Variants in OR10Z1 observed in about 807,000 individuals in gnomAD.
OR10Z1 encodes the protein olfactory receptor family 10 subfamily Z member 1.
For missense variants in OR10Z1, 468 were observed against 371.0 expected, an observed-to-expected ratio of 1.26 and a Z score of -2.15; for synonymous variants, 187 against 151.2, an observed-to-expected ratio of 1.24 and a Z score of -1.74.
rs1334224230 is a variant in OR10Z1, at chr1:158,607,071, C to G, written c.633C>G (p.Phe211Leu). 7 of 1,613,956 alleles carry G rather than the reference C, an allele frequency of 4.3e-6. No homozygotes were observed. In the South Asian group the frequency reaches 6.6e-5, roughly 15 times the overall value. ...ILSLLVLLVSFFFITISYAYI... is the reference protein window; with the variant it reads ...ILSLLVLLVSLFFITISYAYI... ...GTCTTTTGGTCCTCTTGGTCTCCTTCTTCTTCATCACCATCTCCTACGCCT... is the reference window on the plus strand; with the variant it reads ...GTCTTTTGGTCCTCTTGGTCTCCTTGTTCTTCATCACCATCTCCTACGCCT... The change falls in exon 2 of 2, where the codon TTC becomes TTG. Residue 211 changes from phenylalanine (F) to leucine (L), a missense_variant. Coordinates refer to ENST00000641002, the MANE Select transcript of OR10Z1 (RefSeq NM_001004478.2).
rs1318114832 is a variant in OR10Z1, at chr1:158,606,396, G to A, written c.-43G>A. ...AAAGAAGTTAGGCATCTACTGGCAAGGTGGAAGAAATCAACAAATCTATCA... is the reference window on the plus strand; with the variant it reads ...AAAGAAGTTAGGCATCTACTGGCAAAGTGGAAGAAATCAACAAATCTATCA... On this transcript the variant is annotated 5_prime_UTR_variant, in exon 2 of 2. Transcript: ENST00000641002. 3.1e-6 allele frequency: 4 copies of A among 1,281,302 alleles called. No individual in the cohort carries two copies. Among genetic ancestry groups the A allele is most frequent in the Non-Finnish European group, 4.4e-6 (4 of 903,770 alleles). 79.4% of individuals were successfully genotyped at this position (1,281,302 alleles called of 1,614,324 possible).
At position 158,607,168 on chromosome 1, in the gene OR10Z1, C is replaced by T. The variant is rs983245039; in HGVS notation, c.730C>T (p.His244Tyr). The stretch of plus-strand genomic sequence containing the variant: ...GAAGGCCTTCTCCACTTGTGCCTCG[C>T]ACCTTACAGTGGTCATTATTCATTA... ...QKKAFSTCAS[H>Y]LTVVIIHYGC... Residue 244 changes from histidine (H) to tyrosine (Y), a missense_variant, in exon 2 of 2, where the codon CAC becomes TAC. His to Tyr is a moderately conservative substitution (Grantham distance 83). Transcript: ENST00000641002. The T allele has an allele frequency of 1.2e-6, 2 of 1,614,072 alleles. No homozygotes were observed. Among genetic ancestry groups the T allele is most frequent in the Non-Finnish European group, 1.7e-6 (2 of 1,179,978 alleles).
rs893969718 is a variant in OR10Z1, at chr1:158,610,371, T to C, written c.*2991T>C. 2.0e-5 allele frequency: 3 copies of C among 152,200 alleles called. No individual in the cohort carries two copies. The highest frequency in any genetic ancestry group is 2.0e-4 in the Admixed American group (3 of 15,272). 9.4% of individuals were successfully genotyped at this position (152,200 alleles called of 1,614,324 possible). On this transcript the variant is annotated 3_prime_UTR_variant, in exon 2 of 2. Transcript: ENST00000641002. ...TTACCTTTTATAGATCAAATCAGAA[T>C]GTCGGCATATAAACCTGTTCAGAAT...
Position 158,611,582 on chromosome 1 carries a change from C to T in OR10Z1, c.*4202C>T, listed in dbSNP as rs2101741876. 3.6e-6 allele frequency: 2 copies of T among 550,552 alleles called. No homozygotes were observed. Among genetic ancestry groups the T allele is most frequent in the Non-Finnish European group, 3.1e-6 (1 of 321,884 alleles). The allele number at this position is 550,552 out of a possible 1,614,324, so 34.1% of individuals were successfully genotyped here. On this transcript the variant is annotated 3_prime_UTR_variant, in exon 2 of 2. Transcript: ENST00000641002. ...GAGTAACTTAACTTTTAATCTCAGC[C>T]CTTTCTTGAAAAAGAGAGCTTACTC...
rs1649113172 is a variant in OR10Z1 at position 158,608,304 on chromosome 1, G to T, written c.*924G>T. ...TATTCCACTTTCCACATATAATGTG[G>T]TTATATATAGCGGCGGACATTATTA... On this transcript the variant is annotated 3_prime_UTR_variant, in exon 2 of 2. Transcript: ENST00000641002. The T allele has an allele frequency of 6.6e-6, 1 of 152,220 alleles. No homozygotes were observed. Among genetic ancestry groups the T allele is most frequent in the South Asian group, 2.1e-4 (1 of 4,816 alleles). The allele number at this position is 152,220 out of a possible 1,614,324, so 9.4% of individuals were successfully genotyped here.
At position 158,612,346 on chromosome 1, in the gene OR10Z1, AGAGAG is replaced by A. The variant is rs1421268385; in HGVS notation, c.*4967_*4971del. 1 of 202,936 alleles carries A rather than the reference AGAGAG, an allele frequency of 4.9e-6. No individual in the cohort carries two copies. Among genetic ancestry groups the A allele is most frequent in the Non-Finnish European group, 1.0e-5 (1 of 99,448 alleles). The allele number at this position is 202,936 out of a possible 1,614,324, so 12.6% of individuals were successfully genotyped here. A position where few individuals can be genotyped will look rare whatever the true frequency, so the allele number is the denominator to read the frequency against. On this transcript the variant is annotated 3_prime_UTR_variant, in exon 2 of 2. Transcript: ENST00000641002. Reference sequence around the variant, plus strand: ...AGGAATGAAGAAAGCTCTTGGAATCAGAGAGAAGAGAGATTACTTCTGGTTGTAAT... The same window carrying A: ...AGGAATGAAGAAAGCTCTTGGAATCAAAGAGAGATTACTTCTGGTTGTAAT...
chr1:158,607,421 C>A lies in OR10Z1; in HGVS notation c.*41C>A. On this transcript the variant is annotated 3_prime_UTR_variant, in exon 2 of 2. Coordinates refer to ENST00000641002, the MANE Select transcript of OR10Z1 (RefSeq NM_001004478.2). ...GACACTTTCTTCTGTGTAGGCTGGG[C>A]ATAGACCAAGAACCCAAGCCAAAGG... 1 of 1,506,950 alleles carries A rather than the reference C, an allele frequency of 6.6e-7. No individual in the cohort carries two copies. Among genetic ancestry groups the A allele is most frequent in the Non-Finnish European group, 9.1e-7 (1 of 1,101,066 alleles). The allele number at this position is 1,506,950 out of a possible 1,614,324, so 93.3% of individuals were successfully genotyped here.
Position 158,609,696 on chromosome 1 carries a change from A to C in OR10Z1, c.*2316A>C, listed in dbSNP as rs1170112821. On this transcript the variant is annotated 3_prime_UTR_variant, in exon 2 of 2. Transcript: ENST00000641002. Reference sequence around the variant, plus strand: ...GGATAGGGACAACATAATAGTCTTCAAAATCTCGTTTGGTGATTCAAATTT... The same window carrying C: ...GGATAGGGACAACATAATAGTCTTCCAAATCTCGTTTGGTGATTCAAATTT... 1 of 152,192 alleles carries C rather than the reference A, an allele frequency of 6.6e-6. No individual in the cohort carries two copies. The highest frequency in any genetic ancestry group is 1.5e-5 in the Non-Finnish European group (1 of 68,014). 9.4% of individuals were successfully genotyped at this position (152,192 alleles called of 1,614,324 possible).
rs951193544 is a variant in OR10Z1, at chr1:158,611,489, T to A, written c.*4109T>A. ...CGCCATAAATGCAGGAGATGGAGAG[T>A]CTCTGGAAGACGCAAGCCCTATTTC... On this transcript the variant is annotated 3_prime_UTR_variant, in exon 2 of 2. Coordinates refer to ENST00000641002, the MANE Select transcript of OR10Z1 (RefSeq NM_001004478.2). 1.8e-5 allele frequency: 26 copies of A among 1,424,070 alleles called. No homozygotes were observed. In the African/African-American group the frequency reaches 3.7e-4, roughly 20 times the overall value. 88.2% of individuals were successfully genotyped at this position (1,424,070 alleles called of 1,614,324 possible).
chr1:158,606,282 T>G (rs1649044879), intron 1 of OR10Z1, 44 bp from the exon 2 acceptor site: 1 of 603,156 alleles, frequency 1.7e-6, no homozygotes, highest in Non-Finnish European at 2.9e-6. Context: ...ACAAATACTT[T>G]TTTGAAGTTT....
rs1649257877 is a variant in OR10Z1, at chr1:158,611,468, A to G, written c.*4088A>G. On this transcript the variant is annotated 3_prime_UTR_variant, in exon 2 of 2. Transcript: ENST00000641002. The stretch of plus-strand genomic sequence containing the variant: ...TCCTTGGGGCTTCCCATATTACGCC[A>G]TAAATGCAGGAGATGGAGAGTCTCT... 3.9e-6 allele frequency: 6 copies of G among 1,558,030 alleles called. No individual in the cohort carries two copies. The highest frequency in any genetic ancestry group is 5.3e-6 in the Non-Finnish European group (6 of 1,133,922).
chr1:158,607,959 A>G lies in OR10Z1; in HGVS notation c.*579A>G, dbSNP rs2101737067. On this transcript the variant is annotated 3_prime_UTR_variant, in exon 2 of 2. Transcript: ENST00000641002. ...GTTTTTATTTTTTTTAATTTCAACTATTATTTCATATACAGTGGGGCACAT... is the reference window on the plus strand; with the variant it reads ...GTTTTTATTTTTTTTAATTTCAACTGTTATTTCATATACAGTGGGGCACAT... The G allele has an allele frequency of 6.6e-6, 1 of 152,308 alleles. No individual in the cohort carries two copies. The highest frequency in any genetic ancestry group is 3.4e-3 in the Middle Eastern group (1 of 294). 9.4% of individuals were successfully genotyped at this position (152,308 alleles called of 1,614,324 possible).
At chr1:158,605,917 G>A (rs1193591949) in intron 1 of OR10Z1, among the ~76,000 whole-genome samples, 5 of 152,136 alleles carry the variant, frequency 3.3e-5, no homozygotes, top group Admixed American at 3.3e-4. Context: ...ATGTGATAGT[G>A]TATGTATAAA....
Position 158,606,481 on chromosome 1 carries a change from C to G in OR10Z1, c.43C>G (p.Leu15Val), listed in dbSNP as rs1436213083. The G allele has an allele frequency of 6.2e-7, 1 of 1,613,796 alleles. No individual in the cohort carries two copies. Among genetic ancestry groups the G allele is most frequent in the Non-Finnish European group, 8.5e-7 (1 of 1,179,878 alleles). Residue 15 changes from leucine to valine, a missense_variant, in exon 2 of 2, where the codon CTG becomes GTG. Transcript: ENST00000641002. ...NVTSWRDFVF[L>V]GFSSSGELQL... ...AACCTCCTGGAGGGATTTTGTCTTC[C>G]TGGGCTTCTCCAGTTCTGGGGAGTT... is the stretch of plus-strand genomic sequence containing the variant.
In OR10Z1 at chr1:158,606,557, C is replaced by A. The variant is rs200866393; in HGVS notation, c.119C>A (p.Thr40Asn). 1 of 1,613,914 alleles carries A rather than the reference C, an allele frequency of 6.2e-7. No homozygotes were observed. Among genetic ancestry groups the A allele is most frequent in the African/African-American group, 1.3e-5 (1 of 75,036 alleles). ...CTCTCTCTGTATCTAGTCACTCTGA[C>A]CAGCAATGTCTTCATTATCATAGCC... Reference protein sequence around the residue: ...LFLSLYLVTLTSNVFIIIAIR... With the variant: ...LFLSLYLVTLNSNVFIIIAIR... The change falls in exon 2 of 2, where the codon ACC (threonine) becomes AAC (asparagine). Residue 40 changes from threonine (T) to asparagine (N), a missense_variant. Transcript: ENST00000641002.
Position 158,606,764 on chromosome 1 carries a change from G to C in OR10Z1, c.326G>C (p.Cys109Ser). 6.2e-7 allele frequency: 1 copy of C among 1,614,062 alleles called. No individual in the cohort carries two copies. The highest frequency in any genetic ancestry group is 1.1e-5 in the South Asian group (1 of 91,074). ...ATGTTCTTTTCTGCCTCATGGGCCT[G>C]TACTAACTGCTTCCTTCTGGCTGCC... is the stretch of plus-strand genomic sequence containing the variant. ...AQMFFSASWA[C>S]TNCFLLAAMG... is the part of the protein sequence containing the mutation. The change falls in exon 2 of 2, where the codon TGT (cysteine) becomes TCT (serine). Residue 109 changes from cysteine to serine, a missense_variant. By Grantham distance (112) the Cys-to-Ser change is moderately radical. Transcript: ENST00000641002.
chr1:158,607,233 C>T lies in OR10Z1; in HGVS notation c.795C>T (p.Ser265=), dbSNP rs1557913260. Residue 265 remains serine (S), a synonymous_variant, in exon 2 of 2, where the codon AGC becomes AGT. Coordinates refer to ENST00000641002, the MANE Select transcript of OR10Z1 (RefSeq NM_001004478.2). ...TCGTGTACCTGAGGCCCAAAGCCAG[C>T]TACTCTCTTGAGAGAGATCAGCTTA... is the stretch of plus-strand genomic sequence containing the variant. ...ASFVYLRPKA[S]YSLERDQLIA... 2 of 1,614,102 alleles carry T rather than the reference C, an allele frequency of 1.2e-6. No individual in the cohort carries two copies. The highest frequency in any genetic ancestry group is 2.2e-5 in the East Asian group (1 of 44,868).
rs886689972 is a variant in OR10Z1 at position 158,610,818 on chromosome 1, C to T, written c.*3438C>T. ...TTTATTTATCTACTATACCATGGCC[C>T]TTCTTTACAGTAAAATTAGCTGCCC... On this transcript the variant is annotated 3_prime_UTR_variant, in exon 2 of 2. Transcript: ENST00000641002. The T allele has an allele frequency of 6.4e-6, 1 of 155,682 alleles. No individual in the cohort carries two copies. The highest frequency in any genetic ancestry group is 1.4e-5 in the Non-Finnish European group (1 of 70,392). 9.6% of individuals were successfully genotyped at this position (155,682 alleles called of 1,614,324 possible).
rs773983481 is a variant in OR10Z1 at position 158,607,239 on chromosome 1, T to C, written c.801T>C (p.Ser267=). 8.1e-6 allele frequency: 13 copies of C among 1,614,068 alleles called. 1 individual carries two copies. In the South Asian group the frequency reaches 1.4e-4, roughly 18 times the overall value. The change falls in exon 2 of 2, where the codon TCT becomes TCC. Residue 267 remains serine, a synonymous_variant. Transcript: ENST00000641002. ...FVYLRPKASY[S]LERDQLIAMT... is the part of the protein sequence containing the mutation. ...ACCTGAGGCCCAAAGCCAGCTACTC[T>C]CTTGAGAGAGATCAGCTTATTGCCA...
Sources: allele counts gnomAD v4.1 joint callset (sites outside exome capture counted in the v4.1 genomes callset), GRCh38; gene constraint gnomAD v4.1.1; transcripts MANE v1.5; gene names NCBI Gene and HGNC (gene_info 2026-07-23, HGNC 2026-07-21).